RANBP2: variants seen among roughly 807,000 people sequenced by gnomAD.
The protein encoded by RANBP2 is E3 SUMO-protein ligase RanBP2.
RANBP2 carries 57 observed loss-of-function variants against 303.6 expected under a neutral mutation model. That is an observed-to-expected ratio of 0.19 (90% CI 0.15 to 0.23). The LOEUF is 0.23. Ranked by LOEUF, RANBP2 falls within the 10% of genes least tolerant of loss-of-function variation. RANBP2 has a pLI of 1.00. For missense variants in RANBP2, 3,138 were observed against 3,780.8 expected, an observed-to-expected ratio of 0.83 and a Z score of 4.46; for synonymous variants, 1,167 against 1,301.5, an observed-to-expected ratio of 0.90 and a Z score of 2.23.
Position 108,781,294 on chromosome 2 carries a change from T to C in RANBP2, c.8625T>C (p.Thr2875=). ...SKDKNFQWAN[T]GAAVFGTQSV... Reference sequence around the variant, plus strand: ...ATAAAAATTTCCAATGGGCAAATACTGGAGCAGCTGTGTTTGGAACACAGT... The same window carrying C: ...ATAAAAATTTCCAATGGGCAAATACCGGAGCAGCTGTGTTTGGAACACAGT... The change falls in exon 26 of 29, where the codon ACT becomes ACC. Residue 2875 remains threonine (T), a synonymous_variant. Coordinates refer to ENST00000283195, the MANE Select transcript of RANBP2 (RefSeq NM_006267.5). 2 of 1,614,174 alleles carry C rather than the reference T, an allele frequency of 1.2e-6. No homozygotes were observed. Among genetic ancestry groups the C allele is most frequent in the African/African-American group, 1.3e-5 (1 of 75,044 alleles).
At chr2:109,301,980 T>G in the RANBP2 span, among the ~76,000 whole-genome samples, 1 of 152,248 alleles carries the variant, frequency 6.6e-6, no homozygotes, top group Non-Finnish European at 1.5e-5. Flanking sequence ...GGACCTGTGC[T>G]GATTTCAGCA....
chr2:109,347,447 T>C, the RANBP2 span, among the ~76,000 whole-genome samples: 3 of 152,062 alleles, frequency 2.0e-5, no homozygotes, highest in South Asian at 4.2e-4. Context: ...GTGTCCTTTT[T>C]AGGAGGAATG....
chr2:109,449,381 C>G, the RANBP2 span: 1 of 1,611,684 alleles, frequency 6.2e-7, no homozygotes. Context: ...CTCCCAACGT[C>G]AGTGCCGCAA....
chr2:108,801,002 C>T, the RANBP2 span, among the ~76,000 whole-genome samples: 3 of 55,460 alleles, frequency 5.4e-5, no homozygotes, highest in Non-Finnish European at 8.2e-5. Flanking sequence ...ATATATGTGC[C>T]ACATTTTCTT....
the RANBP2 span, among the ~76,000 whole-genome samples, chr2:109,015,715 G>A: frequency 6.6e-6 from 1 of 152,070 alleles, no homozygotes; most frequent in Admixed American, 6.6e-5. Flanking sequence ...CCGAGATCAT[G>A]TCACTGTACT....
At chr2:109,580,036 G>A in the RANBP2 span, among the ~76,000 whole-genome samples, 5 of 151,784 alleles carry the variant, frequency 3.3e-5, no homozygotes, top group Non-Finnish European at 7.4e-5. Flanking sequence ...CAGGAGAATC[G>A]TCTGAACCTG....
the RANBP2 span, among the ~76,000 whole-genome samples, chr2:109,120,515 A>C: frequency 6.6e-6 from 1 of 152,150 alleles, no homozygotes; most frequent in Non-Finnish European, 1.5e-5. Context: ...CCAGGGTATC[A>C]GACCAACCTG....
At chr2:109,085,335 G>T in the RANBP2 span, among the ~76,000 whole-genome samples, 1 of 152,108 alleles carries the variant, frequency 6.6e-6, no homozygotes, top group Non-Finnish European at 1.5e-5. Context: ...ATAGAGTCTT[G>T]CTCTGTCGCC....
At chr2:108,728,068 T>A (rs1226548863) in intron 1 of RANBP2, among the ~76,000 whole-genome samples, 2 of 152,178 alleles carry the variant, frequency 1.3e-5, no homozygotes, top group African/African-American at 4.8e-5. Context: ...GACCAGGGAA[T>A]CCTCAGTGCC....
chr2:109,056,899 C>G, the RANBP2 span, among the ~76,000 whole-genome samples: 2 of 152,228 alleles, frequency 1.3e-5, no homozygotes, highest in African/African-American at 4.8e-5. Flanking sequence ...CAAGCTGTAA[C>G]ATGGTTAACA....
chr2:109,607,793 C>A, the RANBP2 span, among the ~76,000 whole-genome samples: 1 of 152,086 alleles, frequency 6.6e-6, no homozygotes, highest in African/African-American at 2.4e-5. Flanking sequence ...CTGTGTTCAC[C>A]CCTAGGGAAA....
the RANBP2 span, among the ~76,000 whole-genome samples, chr2:109,536,620 G>T: frequency 1.9e-3 from 287 of 152,298 alleles, 1 homozygote; most frequent in South Asian, 0.022. Context: ...ATGCTGAAAT[G>T]AGTTAAGACT....
At chr2:109,324,563 AG>A in the RANBP2 span, among the ~76,000 whole-genome samples, 56 of 152,362 alleles carry the variant, frequency 3.7e-4, 1 homozygote, top group African/African-American at 1.3e-3. Context: ...TCTTAATAGA[AG>A]GAAAACCAGG....
chr2:109,096,651 A>G, the RANBP2 span, among the ~76,000 whole-genome samples: 1 of 152,230 alleles, frequency 6.6e-6, no homozygotes, highest in Non-Finnish European at 1.5e-5. Context: ...CATGAATATC[A>G]AGTAGAATAG....
At chr2:109,202,635 A>G in the RANBP2 span, among the ~76,000 whole-genome samples, 1 of 152,162 alleles carries the variant, frequency 6.6e-6, no homozygotes, top group African/African-American at 2.4e-5. Flanking sequence ...GCCCGGCCCC[A>G]GGAACCTGGG....
the RANBP2 span, chr2:109,552,907 T>C: frequency 1.5e-6 from 1 of 682,096 alleles, no homozygotes; most frequent in East Asian, 2.9e-5. Flanking sequence ...AGGCCAAAGT[T>C]TTCATTTAAT....
At chr2:109,573,929 T>C in the RANBP2 span, among the ~76,000 whole-genome samples, 1 of 152,192 alleles carries the variant, frequency 6.6e-6, no homozygotes, top group Admixed American at 6.5e-5. Flanking sequence ...CCTTAATCCT[T>C]GTTAATGAAG....
At chr2:109,053,213 A>G in the RANBP2 span, among the ~76,000 whole-genome samples, 4 of 152,082 alleles carry the variant, frequency 2.6e-5, no homozygotes, top group Non-Finnish European at 5.9e-5. Flanking sequence ...TGCACTTCCA[A>G]GGTTTGTTGT....
chr2:109,398,832 C>T, the RANBP2 span: 3 of 1,613,972 alleles, frequency 1.9e-6, no homozygotes, highest in Non-Finnish European at 2.5e-6. Flanking sequence ...AGGCTGCCAG[C>T]CACAGGCATT....
Sources: gnomAD v4.1 joint callset for allele counts (sites outside exome capture counted in the v4.1 genomes callset) on GRCh38, gnomAD v4.1.1 for gene constraint, MANE v1.5 for transcripts, NCBI Gene and HGNC (gene_info 2026-07-23, HGNC 2026-07-21) for gene names.